The following BCAT1 variants were observed in gnomAD, a reference collection of about 807,000 sequenced individuals.
BCAT1 encodes the protein branched-chain-amino-acid aminotransferase, cytosolic.
BCAT1 carries 48 observed loss-of-function variants against 52.4 expected under a neutral mutation model. The observed-to-expected ratio is 0.92, with a 90% confidence interval of 0.73 to 1.16. The LOEUF is 1.16. Ranked by LOEUF, BCAT1 falls within the 50% of genes most tolerant of loss-of-function variation. The probability of loss-of-function intolerance (pLI) is 0.00; values close to 1 mark genes in which losing one functional copy is unlikely to be tolerated. For synonymous variants in BCAT1, 167 were observed against 161.3 expected (o/e 1.04, Z -0.27); for missense variants, 451 against 457.1 (o/e 0.99, Z 0.12).
chr12:24,844,113 T>TC (rs1437393296), intron 6 of BCAT1, among the ~76,000 whole-genome samples: 5 of 152,210 alleles, frequency 3.3e-5, no homozygotes, highest in African/African-American at 1.2e-4. Flanking sequence ...CATCCTAGTT[T>TC]CATAAGCCCT....
At chr12:24,825,411 C>A (rs935010136) in intron 10 of BCAT1, among the ~76,000 whole-genome samples, 1 of 151,388 alleles carries the variant, frequency 6.6e-6, no homozygotes, top group African/African-American at 2.4e-5. Flanking sequence ...TTTCAACCAA[C>A]AATATATGAT....
intron 7 of BCAT1, among the ~76,000 whole-genome samples, chr12:24,837,616 G>A (rs953446478): frequency 4.6e-5 from 7 of 151,798 alleles, no homozygotes; most frequent in African/African-American, 1.5e-4. Flanking sequence ...TAGTAGAGAC[G>A]GGGTTTCACC....
intron 9 of BCAT1, 61 bp from the exon 10 acceptor site, chr12:24,829,958 A>T: frequency 7.8e-7 from 1 of 1,275,318 alleles, no homozygotes; most frequent in Non-Finnish European, 1.1e-6. Context: ...GATAACAGAT[A>T]AGACACTCAA....
At chr12:24,818,365 C>T (rs1166002489) in intron 10 of BCAT1, among the ~76,000 whole-genome samples, 3 of 152,162 alleles carry the variant, frequency 2.0e-5, no homozygotes, top group African/African-American at 7.2e-5. Context: ...TATTTAGGTA[C>T]ATGCCTTTTC....
chr12:24,845,200 C>T (rs1010913487), intron 6 of BCAT1, among the ~76,000 whole-genome samples: 32 of 147,976 alleles, frequency 2.2e-4, no homozygotes, highest in African/African-American at 7.5e-4. Context: ...GGAGACAGAG[C>T]GAGACTGTCC....
chr12:24,869,586 C>T (rs938019159), intron 5 of BCAT1, among the ~76,000 whole-genome samples: 5 of 152,170 alleles, frequency 3.3e-5, no homozygotes, highest in African/African-American at 1.2e-4. Context: ...TATACATACA[C>T]CCTGTGACCC....
chr12:24,844,553 G>A (rs927639429), intron 6 of BCAT1, among the ~76,000 whole-genome samples: 1 of 152,052 alleles, frequency 6.6e-6, no homozygotes, highest in African/African-American at 2.4e-5. Context: ...TCATACTATG[G>A]TGATTGCCAT....
intron 3 of BCAT1, among the ~76,000 whole-genome samples, chr12:24,885,334 T>C (rs1798593838): frequency 6.6e-6 from 1 of 152,116 alleles, no homozygotes. Flanking sequence ...GAGAAAAATC[T>C]AACAAAAGAA....
Position 24,862,033 on chromosome 12 carries a change from A to C in BCAT1, c.511-12084T>G, listed in dbSNP as rs549700199. On this transcript the variant is annotated intron_variant, in intron 5 of 10. Coordinates refer to ENST00000261192, the MANE Select transcript of BCAT1 (RefSeq NM_005504.7). ...CCCTATATGGTCTAAAAGAAAGAGA[A>C]ACCCTCAGTTCTGGGAATTCCCCAC... 3.3e-5 allele frequency among the ~76,000 whole-genome samples: 5 copies of C among 152,348 alleles called. No homozygotes were observed. The South Asian group carries it at 1.0e-3, about 32-fold the overall frequency.
intron 8 of BCAT1, among the ~76,000 whole-genome samples, chr12:24,835,888 G>C (rs1260357098): frequency 6.6e-6 from 1 of 152,060 alleles, no homozygotes; most frequent in African/African-American, 2.4e-5. Context: ...ACTGCACCCG[G>C]TCCACCAAAT....
At chr12:24,825,466 T>C (rs1436352022) in intron 10 of BCAT1, among the ~76,000 whole-genome samples, 2 of 11,714 alleles carry the variant, frequency 1.7e-4, no homozygotes, top group African/African-American at 1.4e-3. Context: ...ATTGCCTGTT[T>C]TTTTTTTTTT....
intron 5 of BCAT1, among the ~76,000 whole-genome samples, chr12:24,877,732 A>T (rs1337715256): frequency 6.6e-6 from 1 of 152,204 alleles, no homozygotes; most frequent in Non-Finnish European, 1.5e-5. Flanking sequence ...GTACTGCCAC[A>T]ATGGGAGGCA....
chr12:24,918,816 T>C (rs1222492084), intron 1 of BCAT1, among the ~76,000 whole-genome samples: 2 of 152,226 alleles, frequency 1.3e-5, no homozygotes, highest in Admixed American at 1.3e-4. Context: ...TGGAAAGTCT[T>C]CCTGTATCCC....
At chr12:24,847,779 T>G (rs932023769) in intron 6 of BCAT1, among the ~76,000 whole-genome samples, 2 of 152,292 alleles carry the variant, frequency 1.3e-5, no homozygotes, top group Middle Eastern at 3.4e-3. Context: ...TGCCCTAGAT[T>G]CACTTAGATA....
Position 24,816,429 on chromosome 12 carries a change from C to A in BCAT1, c.*1579G>T. 5.0e-6 allele frequency: 2 copies of A among 397,290 alleles called. No homozygotes were observed. The highest frequency in any genetic ancestry group is 4.4e-5 in the Admixed American group (1 of 22,676). The allele number at this position is 397,290 out of a possible 1,614,324, so 24.6% of individuals were successfully genotyped here. On this transcript the variant is annotated 3_prime_UTR_variant, in exon 11 of 11. Coordinates refer to ENST00000261192, the MANE Select transcript of BCAT1 (RefSeq NM_005504.7). ...GATTTGACTTTCCTTAGATAAACCACAAAGGATACAATTTTAACTCACAGC... is the reference window on the plus strand; with the variant it reads ...GATTTGACTTTCCTTAGATAAACCAAAAAGGATACAATTTTAACTCACAGC...
intron 5 of BCAT1, among the ~76,000 whole-genome samples, chr12:24,876,674 C>T (rs1455337033): frequency 6.6e-6 from 1 of 152,126 alleles, no homozygotes. Flanking sequence ...AAAAAGTACT[C>T]CTTCCTATCA....
intron 1 of BCAT1, among the ~76,000 whole-genome samples, chr12:24,944,132 C>T (rs962205882): frequency 2.6e-5 from 4 of 152,166 alleles, no homozygotes; most frequent in Non-Finnish European, 4.4e-5. Context: ...GAGCACTCAC[C>T]GACACTGAAA....
chr12:24,942,490 GCCAAAATCACACCAC>G (rs1484702497), intron 1 of BCAT1, among the ~76,000 whole-genome samples: 2 of 150,232 alleles, frequency 1.3e-5, no homozygotes, highest in Non-Finnish European at 2.9e-5. Flanking sequence ...GTTGCAGTGA[GCCAAAATCACACCAC>G]TGCACTCCAG....
At position 24,849,778 on chromosome 12, in the gene BCAT1, T is replaced by G. The variant is rs1463980136; in HGVS notation, c.674+8A>C. On this transcript the variant is annotated splice_region_variant and intron_variant, in intron 6 of 10. Transcript: ENST00000261192. ...CTTTCCTTTAGACAGAGACACAGAT[T>G]TACTTACCCTCCCATCTTGCAGTCC... The G allele has an allele frequency of 1.9e-6, 3 of 1,602,356 alleles. No individual in the cohort carries two copies. The African/African-American group carries it at 4.0e-5, about 21-fold the overall frequency.
Sources: gnomAD v4.1 joint callset for allele counts (sites outside exome capture counted in the v4.1 genomes callset) on GRCh38, gnomAD v4.1.1 for gene constraint, MANE v1.5 for transcripts, NCBI Gene and HGNC (gene_info 2026-07-23, HGNC 2026-07-21) for gene names.